Variants in CLDN16 observed in about 807,000 individuals in gnomAD.
The protein encoded by CLDN16 is claudin 16, also known as claudin-16.
In CLDN16, 13 loss-of-function variants were observed where a neutral mutation model predicts 24.6. The observed-to-expected ratio is 0.53, with a 90% confidence interval of 0.34 to 0.84. The LOEUF is 0.84. Among genes scored for constraint, CLDN16 ranks in the 40% least tolerant of loss-of-function variants. CLDN16 has a pLI of 0.01. For synonymous variants in CLDN16, 116 were observed against 106.7 expected (o/e 1.09, Z -0.54); for missense variants, 298 against 292.7 (o/e 1.02, Z -0.13).
intron 1 of CLDN16, among the ~76,000 whole-genome samples, chr3:190,341,648 A>G (rs752227339): frequency 2.6e-5 from 4 of 152,198 alleles, no homozygotes; most frequent in Non-Finnish European, 4.4e-5. Context: ...GGTGATTAAT[A>G]TTCGGCTTCT....
intron 1 of CLDN16, among the ~76,000 whole-genome samples, chr3:190,361,469 C>T (rs1031332074): frequency 6.6e-6 from 1 of 151,872 alleles, no homozygotes; most frequent in African/African-American, 2.4e-5. Flanking sequence ...TGATAATAGC[C>T]CTTCCCTGAA....
chr3:190,341,729 A>G (rs1717440773), intron 1 of CLDN16, among the ~76,000 whole-genome samples: 1 of 152,138 alleles, frequency 6.6e-6, no homozygotes, highest in Admixed American at 6.5e-5. Flanking sequence ...TTTCTATTGC[A>G]TTGTCAGGCT....
the CLDN16 span, among the ~76,000 whole-genome samples, chr3:190,297,654 AT>A: frequency 1.4e-5 from 2 of 142,050 alleles, 1 homozygote; most frequent in African/African-American, 5.1e-5. Context: ...TATCTATATT[AT>A]ATATCTATAC....
intron 1 of CLDN16, among the ~76,000 whole-genome samples, chr3:190,326,503 T>C (rs1372767892): frequency 6.6e-6 from 1 of 152,192 alleles, no homozygotes; most frequent in Non-Finnish European, 1.5e-5. Flanking sequence ...TTTTCCCTCC[T>C]AGCTCTGGAT....
chr3:190,316,837 A>G, the CLDN16 span, among the ~76,000 whole-genome samples: 1 of 152,210 alleles, frequency 6.6e-6, no homozygotes, highest in Admixed American at 6.5e-5. Context: ...TAATTTTTGA[A>G]ATAATACTGA....
chr3:190,369,283 C>G (rs1718084937), intron 1 of CLDN16, among the ~76,000 whole-genome samples: 1 of 151,932 alleles, frequency 6.6e-6, no homozygotes, highest in Admixed American at 6.6e-5. Flanking sequence ...TTGTACCCAG[C>G]CATGTCTTTT....
chr3:190,335,023 CT>C (rs57744577), intron 1 of CLDN16, among the ~76,000 whole-genome samples: 8,494 of 134,010 alleles, frequency 0.063, 323 homozygotes, highest in African/African-American at 0.14. Flanking sequence ...TTTCTTTTTT[CT>C]TTTTTTTTTT....
At chr3:190,377,408 T>G (rs1182409482) in intron 3 of CLDN16, among the ~76,000 whole-genome samples, 3 of 151,978 alleles carry the variant, frequency 2.0e-5, no homozygotes, top group African/African-American at 7.2e-5. Context: ...GTCATCATCC[T>G]TCTATCATAA....
intron 1 of CLDN16, among the ~76,000 whole-genome samples, chr3:190,363,554 G>GCAGA (rs10663299): frequency 1.2e-5 from 1 of 81,364 alleles, no homozygotes; most frequent in African/African-American, 4.7e-5. Context: ...GTGTGTGTGT[G>GCAGA]TGTATATATA....
At chr3:190,406,517 T>A (rs766807362) in intron 3 of CLDN16, among the ~76,000 whole-genome samples, 18 of 152,286 alleles carry the variant, frequency 1.2e-4, no homozygotes, top group Admixed American at 4.6e-4. Flanking sequence ...AAGAAAATCC[T>A]GATAGGAATG....
chr3:190,394,183 TG>T (rs1718757239), intron 1 of CLDN16, among the ~76,000 whole-genome samples: 2 of 152,356 alleles, frequency 1.3e-5, no homozygotes, highest in Admixed American at 1.3e-4. Context: ...ATAATAGCAT[TG>T]TTAATATGTT....
At chr3:190,308,267 T>G in the CLDN16 span, 2 of 1,613,690 alleles carry the variant, frequency 1.2e-6, no homozygotes, top group African/African-American at 2.7e-5. Flanking sequence ...TTTCTCCTTT[T>G]GCCTCTGTGT....
rs973209951 is a variant in CLDN16 at position 190,355,488 on chromosome 3, T to C, written n.122-15405T>C. ...TGGAAAACTTTCTAATTAAAACTAC[T>C]TGAGAAATAATTTTGTAGAATGACC... On this transcript the variant is annotated intron_variant and non_coding_transcript_variant, in intron 1 of 4. Coordinates refer to the CLDN16 transcript ENST00000468220. Among the ~76,000 whole-genome samples the C allele has an allele frequency of 6.6e-5, 10 of 152,024 alleles. No individual in the cohort carries two copies. The East Asian group carries it at 9.7e-4, about 15-fold the overall frequency.
At position 190,333,489 on chromosome 3, in the gene CLDN16, T is replaced by C. The variant is rs141107648; in HGVS notation, n.121+10828T>C. Among the ~76,000 whole-genome samples the C allele has an allele frequency of 5.7e-3, 867 of 152,168 alleles. 7 individuals are homozygous for C. The highest frequency in any genetic ancestry group is 0.02 in the African/African-American group (839 of 41,532). On this transcript the variant is annotated intron_variant and non_coding_transcript_variant, in intron 1 of 4. Transcript: ENST00000468220. Reference sequence around the variant, plus strand: ...AATACCAGTAGGATATTTTCCCTTATAGGGATTGAATACTATGTAGCTAAA... The same window carrying C: ...AATACCAGTAGGATATTTTCCCTTACAGGGATTGAATACTATGTAGCTAAA...
At chr3:190,408,578 C>A in intron 4 of CLDN16, 73 bp downstream of exon 4, 1 of 1,376,480 alleles carries the variant, frequency 7.3e-7, no homozygotes, top group African/African-American at 1.5e-5. Context: ...AAACAAATTT[C>A]AAAAGGAAAA....
At chr3:190,337,087 A>G (rs1717328193) in intron 1 of CLDN16, among the ~76,000 whole-genome samples, 1 of 152,188 alleles carries the variant, frequency 6.6e-6, no homozygotes, top group African/African-American at 2.4e-5. Context: ...TGTTCATCTC[A>G]GTATGTTGGT....
intron 1 of CLDN16, among the ~76,000 whole-genome samples, chr3:190,363,908 T>C (rs1017597033): frequency 8.3e-5 from 7 of 83,930 alleles, no homozygotes; most frequent in African/African-American, 2.7e-4. Flanking sequence ...CTTGAATGTG[T>C]GTATATTCTT....
intron 1 of CLDN16, among the ~76,000 whole-genome samples, chr3:190,325,529 C>T (rs1035114859): frequency 6.6e-6 from 1 of 152,250 alleles, no homozygotes; most frequent in Non-Finnish European, 1.5e-5. Context: ...CAGCAAATAG[C>T]GTACTGGTTT....
chr3:190,363,598 T>C (rs553584589), intron 1 of CLDN16, among the ~76,000 whole-genome samples: 1 of 55,100 alleles, frequency 1.8e-5, no homozygotes, highest in Non-Finnish European at 4.0e-5. Context: ...ATATATATAT[T>C]TTCTTTCTCC....
Sources: allele counts gnomAD v4.1 joint callset (sites outside exome capture counted in the v4.1 genomes callset), GRCh38; gene constraint gnomAD v4.1.1; transcripts MANE v1.5; gene names NCBI Gene and HGNC (gene_info 2026-07-23, HGNC 2026-07-21).